DNAH14: variants seen among roughly 807,000 people sequenced by gnomAD.
The protein encoded by DNAH14 is dynein axonemal heavy chain 14, also known as axonemal beta dynein heavy chain 14.
DNAH14 carries 478 observed loss-of-function variants against 520.9 expected under a neutral mutation model. The ratio of observed to expected loss-of-function variants is 0.92; its 90% CI spans 0.85 to 0.99. The LOEUF is 0.99. DNAH14 is among the 50% of genes least tolerant of loss of function. The pLI is 0.00. For synonymous variants in DNAH14, 1,581 were observed against 1,757.2 expected (o/e 0.90, Z 2.51); for missense variants, 4,831 against 5,234.5 (o/e 0.92, Z 2.38).
intron 8 of DNAH14, among the ~76,000 whole-genome samples, chr1:224,987,865 A>G (rs1354504615): frequency 6.6e-6 from 1 of 152,054 alleles, no homozygotes; most frequent in East Asian, 1.9e-4. Flanking sequence ...TGACCTCATG[A>G]TCCACCTCCC....
At chr1:225,091,202 T>C (rs1002316350) in intron 21 of DNAH14, among the ~76,000 whole-genome samples, 3 of 152,078 alleles carry the variant, frequency 2.0e-5, no homozygotes, top group Non-Finnish European at 4.4e-5. Flanking sequence ...TCTTCAACTT[T>C]ACTAGAGGCC....
At chr1:225,046,665 T>A (rs1296931663) in intron 15 of DNAH14, among the ~76,000 whole-genome samples, 1 of 152,226 alleles carries the variant, frequency 6.6e-6, no homozygotes. Flanking sequence ...CTGTAACTTA[T>A]GTACCAGTAT....
intron 41 of DNAH14, among the ~76,000 whole-genome samples, chr1:225,216,888 C>A (rs964086892): frequency 6.6e-6 from 1 of 152,190 alleles, no homozygotes; most frequent in African/African-American, 2.4e-5. Context: ...TCATCTGATG[C>A]CTTCTTCTAT....
chr1:225,225,284 AAACT>A (rs2090431081), intron 41 of DNAH14, among the ~76,000 whole-genome samples: 1 of 152,238 alleles, frequency 6.6e-6, no homozygotes, highest in Non-Finnish European at 1.5e-5. Context: ...TGAATTTGGA[AAACT>A]AACATATGTA....
chr1:225,215,090 A>T (rs573084672), intron 41 of DNAH14, among the ~76,000 whole-genome samples: 11 of 152,208 alleles, frequency 7.2e-5, no homozygotes, highest in Non-Finnish European at 1.6e-4. Flanking sequence ...TGTGTTCCAG[A>T]GATTCTGGTA....
chr1:225,147,098 T>TTA lies in DNAH14; in HGVS notation c.4795-6_4795-5insTA. ...TTAGTAATCAATCTCTTTTTTTTTT[T>TTA]AAAAGATAGTGAGAAAATTTTTCTT... On this transcript the variant is annotated splice_polypyrimidine_tract_variant and splice_region_variant and intron_variant, in intron 30 of 85. Transcript: ENST00000682510. 1 of 1,476,798 alleles carries TTA rather than the reference T, an allele frequency of 6.8e-7. No homozygotes were observed. The highest frequency in any genetic ancestry group is 2.6e-5 in the Admixed American group (1 of 38,164). The allele number at this position is 1,476,798 out of a possible 1,614,324, so 91.5% of individuals were successfully genotyped here.
chr1:225,361,839 G>T (rs2095495652), intron 75 of DNAH14, among the ~76,000 whole-genome samples: 1 of 151,236 alleles, frequency 6.6e-6, no homozygotes, highest in Non-Finnish European at 1.5e-5. Context: ...GGGCAACAGA[G>T]TGAACCCCAT....
At chr1:225,110,821 G>A (rs999272392) in intron 23 of DNAH14, among the ~76,000 whole-genome samples, 1 of 151,702 alleles carries the variant, frequency 6.6e-6, no homozygotes, top group East Asian at 1.9e-4. Context: ...ATAAGTTTTG[G>A]TATGTTGTGT....
At chr1:224,951,062 G>C (rs1262237049) in intron 1 of DNAH14, among the ~76,000 whole-genome samples, 2 of 152,094 alleles carry the variant, frequency 1.3e-5, no homozygotes, top group African/African-American at 4.8e-5. Context: ...GTCTCGCTCT[G>C]TTGCCCAGGC....
At chr1:225,166,369 A>G (rs1453196628) in intron 35 of DNAH14, among the ~76,000 whole-genome samples, 1 of 152,192 alleles carries the variant, frequency 6.6e-6, no homozygotes, top group Non-Finnish European at 1.5e-5. Context: ...TATAATTTTT[A>G]CATTAATAAC....
At chr1:225,370,689 G>A (rs558465220) in intron 77 of DNAH14, among the ~76,000 whole-genome samples, 1 of 151,844 alleles carries the variant, frequency 6.6e-6, no homozygotes, top group East Asian at 1.9e-4. Context: ...TCCATCTTAA[G>A]AAATTAGAAA....
chr1:225,128,705 A>G (rs2078047760), intron 27 of DNAH14, among the ~76,000 whole-genome samples: 1 of 152,148 alleles, frequency 6.6e-6, no homozygotes, highest in South Asian at 2.1e-4. Context: ...CCCACAGCCA[A>G]TATCGTACTG....
chr1:224,943,240 A>T (rs966997545), intron 1 of DNAH14, among the ~76,000 whole-genome samples: 1 of 152,166 alleles, frequency 6.6e-6, no homozygotes, highest in Non-Finnish European at 1.5e-5. Flanking sequence ...GGGAGGGTGT[A>T]TGTGTCAAGG....
At chr1:225,376,363 G>T (rs578168406) in intron 78 of DNAH14, among the ~76,000 whole-genome samples, 4 of 152,178 alleles carry the variant, frequency 2.6e-5, no homozygotes, top group African/African-American at 7.2e-5. Flanking sequence ...GGAAGCAGAG[G>T]TTGAAGTGAA....
intron 60 of DNAH14, among the ~76,000 whole-genome samples, chr1:225,317,768 C>T (rs987948703): frequency 2.6e-5 from 4 of 152,060 alleles, no homozygotes; most frequent in Non-Finnish European, 4.4e-5. Flanking sequence ...AATATTTATA[C>T]AGAGTAGCTT....
chr1:225,192,612 A>G (rs1186012324), intron 37 of DNAH14, 84 bp from the exon 38 acceptor site: 15 of 993,120 alleles, frequency 1.5e-5, no homozygotes, highest in Non-Finnish European at 2.2e-5. Context: ...TTTCTCCTAT[A>G]ACCTTTTAAT....
chr1:225,394,670 C>T (rs996259120), intron 84 of DNAH14, among the ~76,000 whole-genome samples: 4 of 151,994 alleles, frequency 2.6e-5, no homozygotes, highest in Non-Finnish European at 4.4e-5. Context: ...TGGCAAAACC[C>T]CATCTCTACT....
intron 49 of DNAH14, among the ~76,000 whole-genome samples, chr1:225,268,609 T>C (rs1208837529): frequency 1.3e-5 from 2 of 152,230 alleles, no homozygotes; most frequent in Non-Finnish European, 2.9e-5. Context: ...CTCCTTAAGC[T>C]GATAAGCAAC....
chr1:225,056,228 C>A (rs1315347315), intron 17 of DNAH14, among the ~76,000 whole-genome samples: 1 of 152,174 alleles, frequency 6.6e-6, no homozygotes, highest in African/African-American at 2.4e-5. Context: ...GATTGCCATT[C>A]TAACTGGTGT....
Sources: gnomAD v4.1 joint callset for allele counts (sites outside exome capture counted in the v4.1 genomes callset) on GRCh38, gnomAD v4.1.1 for gene constraint, MANE v1.5 for transcripts, NCBI Gene and HGNC (gene_info 2026-07-23, HGNC 2026-07-21) for gene names.